Variants in TMEM232 observed in about 807,000 individuals in gnomAD.
TMEM232 encodes the protein transmembrane protein 232.
A neutral mutation model predicts 78.8 loss-of-function variants in TMEM232; 80 were observed. That is an observed-to-expected ratio of 1.01 (90% CI 0.85 to 1.22). TMEM232 has a LOEUF of 1.22. Ranked by LOEUF, TMEM232 falls within the 50% of genes most tolerant of loss-of-function variation. TMEM232 has a pLI of 0.00. For synonymous variants in TMEM232, 297 were observed against 254.3 expected, an observed-to-expected ratio of 1.17 and a Z score of -1.60; for missense variants, 881 against 742.2, an observed-to-expected ratio of 1.19 and a Z score of -2.17.
intron 12 of TMEM232, among the ~76,000 whole-genome samples, chr5:110,526,478 T>C (rs1387167023): frequency 6.6e-6 from 1 of 151,880 alleles, no homozygotes; most frequent in African/African-American, 2.4e-5. Context: ...TTAAGAAAAT[T>C]AAAATGCTAA....
At chr5:110,703,603 G>A (rs1164253006) in intron 1 of TMEM232, among the ~76,000 whole-genome samples, 1 of 152,010 alleles carries the variant, frequency 6.6e-6, no homozygotes, top group Non-Finnish European at 1.5e-5. Context: ...GTTAAGATGT[G>A]CATGTTTTCT....
At chr5:110,673,316 G>T (rs561133883) in intron 1 of TMEM232, among the ~76,000 whole-genome samples, 3 of 151,690 alleles carry the variant, frequency 2.0e-5, no homozygotes, top group South Asian at 2.1e-4. Flanking sequence ...GGTGGCGGGA[G>T]GGGGGAGGGA....
chr5:110,659,171 T>G (rs1407004358), intron 2 of TMEM232, among the ~76,000 whole-genome samples: 1 of 152,098 alleles, frequency 6.6e-6, no homozygotes, highest in Non-Finnish European at 1.5e-5. Flanking sequence ...AAAGTAGGTG[T>G]CAGTGGATAA....
intron 2 of TMEM232, among the ~76,000 whole-genome samples, chr5:110,407,630 A>G (rs140278033): frequency 1.8e-3 from 269 of 152,306 alleles, no homozygotes; most frequent in African/African-American, 6.1e-3. Context: ...ATCCAGACAG[A>G]TAACAAAGAA....
chr5:110,457,874 A>G (rs1240424328), intron 12 of TMEM232, among the ~76,000 whole-genome samples: 2 of 152,096 alleles, frequency 1.3e-5, no homozygotes, highest in African/African-American at 4.8e-5. Context: ...AATATCATAG[A>G]TAATAATATA....
intron 11 of TMEM232, among the ~76,000 whole-genome samples, chr5:110,537,435 A>G (rs988777199): frequency 6.6e-6 from 1 of 152,140 alleles, no homozygotes; most frequent in Non-Finnish European, 1.5e-5. Flanking sequence ...CCAAAATCCC[A>G]TATGTACAGA....
intron 1 of TMEM232, 82 bp from the exon 2 acceptor site, chr5:110,667,446 G>T: frequency 8.7e-7 from 1 of 1,143,686 alleles, no homozygotes. Context: ...CATTATTTTT[G>T]GAAAAGAATA....
chr5:110,617,224 A>G (rs1189329791), intron 8 of TMEM232, among the ~76,000 whole-genome samples: 1 of 152,206 alleles, frequency 6.6e-6, no homozygotes, highest in East Asian at 1.9e-4. Flanking sequence ...ATAAAAGCCG[A>G]ACTTGCAGAA....
intron 1 of TMEM232, among the ~76,000 whole-genome samples, chr5:110,693,313 T>C (rs1267271714): frequency 6.6e-6 from 1 of 152,110 alleles, no homozygotes; most frequent in Non-Finnish European, 1.5e-5. Context: ...TACGTCACTA[T>C]CATCAAAGAC....
intron 2 of TMEM232, among the ~76,000 whole-genome samples, chr5:110,652,283 T>TC (rs1788418674): frequency 6.7e-6 from 1 of 149,410 alleles, no homozygotes; most frequent in Admixed American, 6.7e-5. Flanking sequence ...CACACAAAAG[T>TC]GCACGCGCGC....
chr5:110,407,452 A>G (rs1755833202), intron 2 of TMEM232, among the ~76,000 whole-genome samples: 1 of 152,184 alleles, frequency 6.6e-6, no homozygotes, highest in South Asian at 2.1e-4. Context: ...ATATTGATAA[A>G]GGGGTCAATT....
At chr5:110,468,053 A>G (rs1201488025) in intron 12 of TMEM232, among the ~76,000 whole-genome samples, 1 of 152,164 alleles carries the variant, frequency 6.6e-6, no homozygotes, top group African/African-American at 2.4e-5. Context: ...AATTCAGCAT[A>G]ATTTCAGGGG....
intron 12 of TMEM232, among the ~76,000 whole-genome samples, chr5:110,471,099 T>TA (rs969029120): frequency 6.6e-6 from 1 of 151,608 alleles, no homozygotes; most frequent in African/African-American, 2.4e-5. Flanking sequence ...ATGAATAAAA[T>TA]AAAAAAGTAC....
chr5:110,710,581 T>A (rs183788228), intron 1 of TMEM232, among the ~76,000 whole-genome samples: 135 of 152,274 alleles, frequency 8.9e-4, no homozygotes, highest in African/African-American at 3.0e-3. Flanking sequence ...GATGCAAAGA[T>A]GCTTCCATGT....
intron 5 of TMEM232, among the ~76,000 whole-genome samples, chr5:110,633,065 T>A (rs1054940143): frequency 6.6e-6 from 1 of 151,320 alleles, no homozygotes; most frequent in African/African-American, 2.4e-5. Context: ...GAGAATGGAA[T>A]GATATATTCA....
intron 12 of TMEM232, among the ~76,000 whole-genome samples, chr5:110,437,151 C>A (rs1758524742): frequency 6.6e-6 from 1 of 151,728 alleles, no homozygotes; most frequent in African/African-American, 2.4e-5. Flanking sequence ...GTGTTCATTG[C>A]AGAAATCTTT....
chr5:110,582,025 T>C (rs778282150), intron 10 of TMEM232, among the ~76,000 whole-genome samples: 2 of 151,860 alleles, frequency 1.3e-5, no homozygotes, highest in Non-Finnish European at 2.9e-5. Context: ...CGGCAAAAGT[T>C]GCAGAGAAAA....
chr5:110,458,424 T>TTCTA (rs1252131449), intron 12 of TMEM232, among the ~76,000 whole-genome samples: 4 of 152,288 alleles, frequency 2.6e-5, no homozygotes, highest in East Asian at 1.9e-4. Flanking sequence ...GTTTAGGGAT[T>TTCTA]TCTATCTGTG....
intron 10 of TMEM232, among the ~76,000 whole-genome samples, chr5:110,569,983 A>G (rs1776757090): frequency 6.6e-6 from 1 of 151,868 alleles, no homozygotes; most frequent in South Asian, 2.1e-4. Context: ...ATGACCTTCC[A>G]TTCCATTCAT....
Sources: allele counts gnomAD v4.1 joint callset (sites outside exome capture counted in the v4.1 genomes callset), GRCh38; gene constraint gnomAD v4.1.1; transcripts MANE v1.5; gene names NCBI Gene and HGNC (gene_info 2026-07-23, HGNC 2026-07-21).